The following FAF1 variants were observed in gnomAD, a reference collection of about 807,000 sequenced individuals.
FAF1 encodes Fas associated factor 1.
In FAF1, 25 loss-of-function variants were observed where a neutral mutation model predicts 92.5. The ratio of observed to expected loss-of-function variants is 0.27; its 90% CI spans 0.20 to 0.38. The LOEUF (loss-of-function observed/expected upper bound fraction) is 0.38, where lower values mean the gene tolerates loss of function less well. Among genes scored for constraint, FAF1 ranks in the 10% least tolerant of loss-of-function variants. The pLI, the probability that FAF1 is intolerant of heterozygous loss-of-function variation, is 1.00. For synonymous variants in FAF1, 234 were observed against 273.2 expected (o/e 0.86, Z 1.42); for missense variants, 636 against 793.3 (o/e 0.80, Z 2.38).
intron 5 of FAF1, among the ~76,000 whole-genome samples, chr1:50,743,509 G>A (rs1485921768): frequency 2.3e-5 from 3 of 132,394 alleles, no homozygotes; most frequent in Admixed American, 7.4e-5. Context: ...TGCATTTTTA[G>A]TAGAGATGGG....
intron 8 of FAF1, among the ~76,000 whole-genome samples, chr1:50,646,544 T>C (rs541165505): frequency 6.6e-6 from 1 of 152,344 alleles, no homozygotes; most frequent in South Asian, 2.1e-4. Flanking sequence ...CATTTCTTAC[T>C]TCCAATGCTT....
chr1:50,726,614 G>A (rs1658668411), intron 6 of FAF1, among the ~76,000 whole-genome samples: 1 of 152,170 alleles, frequency 6.6e-6, no homozygotes, highest in African/African-American at 2.4e-5. Context: ...CGGATCACAA[G>A]GTCAGGAGAT....
At chr1:50,686,228 T>C (rs1216462563) in intron 7 of FAF1, among the ~76,000 whole-genome samples, 1 of 151,744 alleles carries the variant, frequency 6.6e-6, no homozygotes, top group Middle Eastern at 3.2e-3. Context: ...AGAAACAGAG[T>C]AGAAATATGT....
At chr1:50,828,239 T>C (rs920097934) in intron 2 of FAF1, among the ~76,000 whole-genome samples, 2 of 149,126 alleles carry the variant, frequency 1.3e-5, no homozygotes, top group African/African-American at 4.9e-5. Context: ...TGCAGAGAAG[T>C]AGGGAAAAAA....
At chr1:50,641,691 G>T (rs1654336513) in intron 8 of FAF1, among the ~76,000 whole-genome samples, 1 of 151,956 alleles carries the variant, frequency 6.6e-6, no homozygotes, top group Non-Finnish European at 1.5e-5. Context: ...ATTTAAATTA[G>T]GCAAAGTTGA....
intron 7 of FAF1, among the ~76,000 whole-genome samples, chr1:50,692,821 G>C (rs1291738523): frequency 6.6e-6 from 1 of 152,108 alleles, no homozygotes; most frequent in African/African-American, 2.4e-5. Flanking sequence ...AATGACTAAA[G>C]ATGTTGGGCA....
At chr1:50,857,591 AG>A (rs1004593161) in intron 2 of FAF1, among the ~76,000 whole-genome samples, 4 of 151,788 alleles carry the variant, frequency 2.6e-5, no homozygotes, top group African/African-American at 9.7e-5. Context: ...CCCAGAAGTG[AG>A]GGGGAAACAT....
intron 15 of FAF1, among the ~76,000 whole-genome samples, chr1:50,500,078 T>C (rs969463617): frequency 2.0e-5 from 3 of 152,204 alleles, no homozygotes; most frequent in African/African-American, 7.2e-5. Context: ...AATATTTTTA[T>C]GTCAGTTCTC....
At chr1:50,929,259 A>G (rs1222366057) in intron 1 of FAF1, among the ~76,000 whole-genome samples, 1 of 152,170 alleles carries the variant, frequency 6.6e-6, no homozygotes, top group Admixed American at 6.5e-5. Context: ...AAGTTCTTTC[A>G]TCATTCATAC....
intron 8 of FAF1, among the ~76,000 whole-genome samples, chr1:50,602,555 T>A (rs909849263): frequency 6.7e-6 from 1 of 148,754 alleles, no homozygotes; most frequent in Non-Finnish European, 1.5e-5. Flanking sequence ...CAGGCTGGAG[T>A]GCAGTGGTGT....
At chr1:50,573,982 G>A (rs6669941) in intron 12 of FAF1, among the ~76,000 whole-genome samples, 21,239 of 151,110 alleles carry the variant, frequency 0.14, 2,589 homozygotes, top group African/African-American at 0.34. Context: ...ACAAAAAATT[G>A]GCTGGGTGTG....
At chr1:50,556,123 A>C (rs2149049409) in intron 13 of FAF1, among the ~76,000 whole-genome samples, 1 of 151,682 alleles carries the variant, frequency 6.6e-6, no homozygotes, top group Admixed American at 6.6e-5. Flanking sequence ...CTGTAGTCCC[A>C]GCTACTCGGG....
chr1:50,726,853 T>A lies in FAF1; in HGVS notation c.551+12010A>T, dbSNP rs548285202. On this transcript the variant is annotated intron_variant, in intron 6 of 18. Transcript: ENST00000396153. ...CAAAAAAGAAAGAAAGAAAAGAAAA[T>A]GTACATAATTAAAATGGAACTAGAC... 1.8e-4 allele frequency among the ~76,000 whole-genome samples: 28 copies of A among 151,994 alleles called. 1 individual carries two copies. In the South Asian group the frequency reaches 5.0e-3, roughly 27 times the overall value.
intron 14 of FAF1, 77 bp downstream of exon 14, chr1:50,539,515 T>C (rs879887127): frequency 4.1e-5 from 40 of 985,246 alleles, no homozygotes; most frequent in Non-Finnish European, 5.6e-5. Flanking sequence ...AATAGAAATA[T>C]TGTCAGCTTG....
intron 1 of FAF1, among the ~76,000 whole-genome samples, chr1:50,881,975 T>C (rs980587450): frequency 6.6e-6 from 1 of 152,210 alleles, no homozygotes. Context: ...ATTTGGAGAT[T>C]ATGTATTTTA....
At chr1:50,952,764 C>T (rs1163658276) in intron 1 of FAF1, among the ~76,000 whole-genome samples, 8 of 151,950 alleles carry the variant, frequency 5.3e-5, no homozygotes, top group African/African-American at 1.9e-4. Flanking sequence ...ACCGCCACCC[C>T]GTCTGGGAGG....
chr1:50,584,289 G>A (rs1651121968), intron 10 of FAF1, among the ~76,000 whole-genome samples: 1 of 152,040 alleles, frequency 6.6e-6, no homozygotes. Context: ...TCCTTCCAAA[G>A]ATGGGTACCG....
intron 7 of FAF1, among the ~76,000 whole-genome samples, chr1:50,666,697 A>G (rs1257343772): frequency 6.6e-6 from 1 of 152,154 alleles, no homozygotes; most frequent in East Asian, 1.9e-4. Flanking sequence ...AGCCTGGCCA[A>G]CATGGTGAAA....
At chr1:50,502,979 A>G (rs1001328757) in intron 15 of FAF1, among the ~76,000 whole-genome samples, 6 of 151,818 alleles carry the variant, frequency 4.0e-5, no homozygotes, top group Non-Finnish European at 8.8e-5. Flanking sequence ...GTGCACCACC[A>G]TGTCAGGCTA....
Sources: allele counts gnomAD v4.1 joint callset (sites outside exome capture counted in the v4.1 genomes callset), GRCh38; gene constraint gnomAD v4.1.1; transcripts MANE v1.5; gene names NCBI Gene and HGNC (gene_info 2026-07-23, HGNC 2026-07-21).